The following SNTG1 variants were observed in gnomAD, a reference collection of about 807,000 sequenced individuals.
The protein encoded by SNTG1 is gamma-1-syntrophin.
A neutral mutation model predicts 74.7 loss-of-function variants in SNTG1; 39 were observed. The observed-to-expected ratio is 0.52, with a 90% CI of 0.40 to 0.68. The LOEUF is 0.68. Among genes scored for constraint, SNTG1 ranks in the 30% least tolerant of loss-of-function variants. The pLI is 0.00. For synonymous variants in SNTG1, 254 were observed against 217.1 expected (o/e 1.17, Z -1.49); for missense variants, 685 against 609.5 (o/e 1.12, Z -1.30).
intron 2 of SNTG1, among the ~76,000 whole-genome samples, chr8:50,173,316 T>C (rs571454590): frequency 6.6e-6 from 1 of 152,284 alleles, no homozygotes; most frequent in African/African-American, 2.4e-5. Context: ...TAGAAAAGGT[T>C]AGGATTGAAG....
At chr8:50,522,629 A>AGT (rs1451321198) in intron 9 of SNTG1, among the ~76,000 whole-genome samples, 5 of 118,022 alleles carry the variant, frequency 4.2e-5, no homozygotes, top group Non-Finnish European at 8.8e-5. Context: ...CCCAGGCTGG[A>AGT]GTGCAGAGGT....
At chr8:50,372,746 A>G (rs1431956257) in intron 2 of SNTG1, among the ~76,000 whole-genome samples, 1 of 152,140 alleles carries the variant, frequency 6.6e-6, no homozygotes, top group Non-Finnish European at 1.5e-5. Flanking sequence ...TAAGGATTTC[A>G]ATAATGAAAC....
At chr8:50,355,124 T>A (rs2091781623) in intron 2 of SNTG1, among the ~76,000 whole-genome samples, 1 of 152,174 alleles carries the variant, frequency 6.6e-6, no homozygotes, top group Non-Finnish European at 1.5e-5. Context: ...ACTCCTACAC[T>A]ATTTCCTTAA....
chr8:50,747,248 T>TG (rs2095557157), intron 17 of SNTG1, among the ~76,000 whole-genome samples: 1 of 151,934 alleles, frequency 6.6e-6, no homozygotes, highest in Non-Finnish European at 1.5e-5. Flanking sequence ...TAGCAGAAAA[T>TG]ATTGACTTCA....
intron 1 of SNTG1, among the ~76,000 whole-genome samples, chr8:50,092,638 G>T (rs1040518494): frequency 2.0e-5 from 3 of 152,142 alleles, no homozygotes; most frequent in Non-Finnish European, 4.4e-5. Flanking sequence ...AGTCAGCCTT[G>T]CATCATGGAT....
At chr8:50,290,978 G>A (rs980956972) in intron 2 of SNTG1, among the ~76,000 whole-genome samples, 6 of 152,032 alleles carry the variant, frequency 3.9e-5, no homozygotes, top group African/African-American at 1.4e-4. Flanking sequence ...GGCTGGTCTC[G>A]ATCTCCTGAA....
chr8:50,310,538 A>G (rs1049717856), intron 2 of SNTG1, among the ~76,000 whole-genome samples: 1 of 152,086 alleles, frequency 6.6e-6, no homozygotes. Context: ...AAAATACAAA[A>G]TTAGCCAGGT....
chr8:50,459,003 A>G (rs529324409), intron 8 of SNTG1, among the ~76,000 whole-genome samples: 19 of 152,320 alleles, frequency 1.2e-4, no homozygotes, highest in Admixed American at 1.2e-3. Context: ...ATCTAAGGCC[A>G]TACAGACTTA....
chr8:50,225,153 T>C (rs1305418205), intron 2 of SNTG1, among the ~76,000 whole-genome samples: 2 of 152,016 alleles, frequency 1.3e-5, no homozygotes, highest in Admixed American at 1.3e-4. Flanking sequence ...TGTATTTTTT[T>C]AGTAGAGACG....
intron 4 of SNTG1, among the ~76,000 whole-genome samples, chr8:50,425,462 C>A (rs1177648819): frequency 3.3e-5 from 5 of 152,122 alleles, no homozygotes; most frequent in Non-Finnish European, 2.9e-5. Flanking sequence ...TCATCACCCC[C>A]AGATGGGACC....
In SNTG1 at chr8:49,911,573, A is replaced by G. The variant is rs1285726062; in HGVS notation, c.-761A>G. ...CTACAAAAAAAAAAAAGAAAGAAAA[A>G]AGAAAAAAAAAAGAACCGGAGGGGA... On this transcript the variant is annotated 5_prime_UTR_variant, in exon 1 of 19. Coordinates refer to ENST00000642720, the MANE Select transcript of SNTG1 (RefSeq NM_018967.5). The G allele has an allele frequency of 9.5e-6, 1 of 104,930 alleles. No individual in the cohort carries two copies. Among genetic ancestry groups the G allele is most frequent in the Non-Finnish European group, 2.3e-5 (1 of 42,978 alleles). The allele number at this position is 104,930 out of a possible 1,614,324, so 6.5% of individuals were successfully genotyped here.
chr8:50,447,988 A>T (rs534925566), intron 5 of SNTG1, among the ~76,000 whole-genome samples: 5 of 152,284 alleles, frequency 3.3e-5, no homozygotes, highest in Admixed American at 2.0e-4. Flanking sequence ...ACTGTGTGCT[A>T]AATAAGCACT....
chr8:50,050,165 C>A (rs1219884690), intron 1 of SNTG1, among the ~76,000 whole-genome samples: 1 of 151,422 alleles, frequency 6.6e-6, no homozygotes, highest in Non-Finnish European at 1.5e-5. Flanking sequence ...CAAAGGCTGG[C>A]TCTTTGAAAA....
At chr8:49,973,687 A>G (rs1811930742) in intron 1 of SNTG1, among the ~76,000 whole-genome samples, 1 of 152,182 alleles carries the variant, frequency 6.6e-6, no homozygotes, top group Non-Finnish European at 1.5e-5. Context: ...AGAAAAGAGT[A>G]TTCCTGTTCA....
At chr8:50,617,768 C>T (rs181590580) in intron 13 of SNTG1, among the ~76,000 whole-genome samples, 28 of 152,108 alleles carry the variant, frequency 1.8e-4, no homozygotes, top group African/African-American at 5.8e-4. Flanking sequence ...GTAATTAGAT[C>T]GGAACAAAAC....
intron 2 of SNTG1, among the ~76,000 whole-genome samples, chr8:50,307,991 A>G (rs1011019090): frequency 3.3e-5 from 5 of 151,750 alleles, no homozygotes; most frequent in East Asian, 3.9e-4. Flanking sequence ...TACTCCTTCA[A>G]TGAAAATATA....
chr8:50,444,531 C>T (rs184339020), intron 5 of SNTG1, among the ~76,000 whole-genome samples: 1 of 152,176 alleles, frequency 6.6e-6, no homozygotes, highest in East Asian at 1.9e-4. Context: ...GCGGGTGGAT[C>T]ACAAGGTCAA....
chr8:50,421,022 T>TAAAA (rs536585946), intron 4 of SNTG1, among the ~76,000 whole-genome samples: 18 of 39,620 alleles, frequency 4.5e-4, no homozygotes, highest in Non-Finnish European at 1.2e-4. Flanking sequence ...AGACTCCACT[T>TAAAA]AAAAAAAAAA....
Position 50,631,935 on chromosome 8 carries a change from T to C in SNTG1, c.850-24974T>C, listed in dbSNP as rs559883887. Among the ~76,000 whole-genome samples the C allele has an allele frequency of 1.3e-4, 20 of 152,364 alleles. No homozygotes were observed. In the South Asian group the frequency reaches 3.9e-3, roughly 30 times the overall value. ...ACTAAATCAATGCTCACGTCTGCTA[T>C]ATTTTACTAGTCTAGTTTTTAGAGT... On this transcript the variant is annotated intron_variant, in intron 13 of 18. Coordinates refer to ENST00000642720, the MANE Select transcript of SNTG1 (RefSeq NM_018967.5).
Sources: gnomAD v4.1 joint callset for allele counts (sites outside exome capture counted in the v4.1 genomes callset) on GRCh38, gnomAD v4.1.1 for gene constraint, MANE v1.5 for transcripts, NCBI Gene and HGNC (gene_info 2026-07-23, HGNC 2026-07-21) for gene names.